AKR1C8: variants seen among roughly 807,000 people sequenced by gnomAD.
AKR1C8 encodes the protein aldo-keto reductase family 1 member C8, also known as aldo-keto reductase family 1 member C-like protein 1.
the AKR1C8 span, among the ~76,000 whole-genome samples, chr10:5,146,093 C>T: frequency 6.6e-6 from 1 of 150,484 alleles, no homozygotes; most frequent in East Asian, 2.0e-4. Context: ...TAAACTATTG[C>T]AAGAACAAAA....
chr10:5,177,058 T>G, the AKR1C8 span, among the ~76,000 whole-genome samples: 1 of 152,082 alleles, frequency 6.6e-6, no homozygotes, highest in Non-Finnish European at 1.5e-5. Flanking sequence ...CTTGTGCCAG[T>G]TTTCAAAGGG....
chr10:5,157,867 T>A, the AKR1C8 span: 1 of 397,470 alleles, frequency 2.5e-6, no homozygotes, highest in African/African-American at 2.1e-5. Flanking sequence ...GCGCTGCTCC[T>A]TTTCCCCAAA....
At chr10:5,142,137 T>C in the AKR1C8 span, among the ~76,000 whole-genome samples, 1 of 152,142 alleles carries the variant, frequency 6.6e-6, no homozygotes. Context: ...GCTTATTTTA[T>C]TCAACCTCAT....
At chr10:5,129,957 C>T in the AKR1C8 span, among the ~76,000 whole-genome samples, 1 of 151,628 alleles carries the variant, frequency 6.6e-6, no homozygotes, top group East Asian at 1.9e-4. Context: ...GAGGAAAGGA[C>T]ATAACAAAAA....
At chr10:5,133,247 G>A in the AKR1C8 span, among the ~76,000 whole-genome samples, 5 of 151,840 alleles carry the variant, frequency 3.3e-5, no homozygotes, top group Admixed American at 6.6e-5. Flanking sequence ...ACAGATGCGC[G>A]CTATTATGCC....
the AKR1C8 span, among the ~76,000 whole-genome samples, chr10:5,146,353 A>T: frequency 2.4e-4 from 37 of 152,206 alleles, no homozygotes; most frequent in Non-Finnish European, 1.5e-4. Context: ...ATAATAATAA[A>T]AGAAGAAAAA....
the AKR1C8 span, among the ~76,000 whole-genome samples, chr10:5,157,383 G>A: frequency 6.6e-6 from 1 of 152,118 alleles, no homozygotes; most frequent in East Asian, 1.9e-4. Context: ...CTCCTGAAAC[G>A]GATGAAAATA....
At chr10:5,121,684 T>A in the AKR1C8 span, among the ~76,000 whole-genome samples, 1 of 152,146 alleles carries the variant, frequency 6.6e-6, no homozygotes, top group Non-Finnish European at 1.5e-5. Flanking sequence ...ATGTCTTACG[T>A]TGCCTCGGTG....
At chr10:5,154,120 T>C in the AKR1C8 span, 1 of 467,080 alleles carries the variant, frequency 2.1e-6, no homozygotes, top group African/African-American at 2.0e-5. Flanking sequence ...ATTGTGGTGG[T>C]AATGTTCAAT....
chr10:5,160,682 C>G, the AKR1C8 span: 1 of 384,434 alleles, frequency 2.6e-6, no homozygotes, highest in South Asian at 2.0e-5. Context: ...GATGAGAACA[C>G]AGAGGCACAG....
the AKR1C8 span, among the ~76,000 whole-genome samples, chr10:5,184,252 C>A: frequency 6.6e-6 from 1 of 152,182 alleles, no homozygotes; most frequent in Non-Finnish European, 1.5e-5. Flanking sequence ...TCCATCCAGG[C>A]CCCCTCTCTA....
the AKR1C8 span, among the ~76,000 whole-genome samples, chr10:5,169,504 T>C: frequency 8.5e-5 from 5 of 58,620 alleles, no homozygotes; most frequent in Admixed American, 1.6e-4. Flanking sequence ...TTTAGCAGTG[T>C]TTCTTATTAG....
At chr10:5,151,685 T>C in the AKR1C8 span, among the ~76,000 whole-genome samples, 1 of 151,640 alleles carries the variant, frequency 6.6e-6, no homozygotes, top group Admixed American at 6.6e-5. Flanking sequence ...GCCTCCTAAG[T>C]AGCTGGGATT....
chr10:5,158,016 G>C, the AKR1C8 span, among the ~76,000 whole-genome samples: 1 of 152,160 alleles, frequency 6.6e-6, no homozygotes, highest in African/African-American at 2.4e-5. Context: ...GGATAAACAA[G>C]TTATCCATAC....
At chr10:5,175,681 G>A in the AKR1C8 span, among the ~76,000 whole-genome samples, 1 of 152,324 alleles carries the variant, frequency 6.6e-6, no homozygotes, top group East Asian at 1.9e-4. Context: ...ACTGGTGTGA[G>A]ATGGTATCTC....
At chr10:5,166,006 A>T in the AKR1C8 span, among the ~76,000 whole-genome samples, 1 of 152,132 alleles carries the variant, frequency 6.6e-6, no homozygotes, top group South Asian at 2.1e-4. Flanking sequence ...GGATGAGAGA[A>T]AAAAGGAAAA....
the AKR1C8 span, among the ~76,000 whole-genome samples, chr10:5,151,678 T>C: frequency 6.6e-6 from 1 of 151,004 alleles, no homozygotes; most frequent in Non-Finnish European, 1.5e-5. Flanking sequence ...TACCTCAGCC[T>C]CCTAAGTAGC....
At chr10:5,143,643 T>C in the AKR1C8 span, among the ~76,000 whole-genome samples, 2 of 150,548 alleles carry the variant, frequency 1.3e-5, no homozygotes, top group African/African-American at 2.4e-5. Context: ...GACACACATA[T>C]ACATGTATAT....
chr10:5,144,974 T>A, the AKR1C8 span, among the ~76,000 whole-genome samples: 1 of 151,734 alleles, frequency 6.6e-6, no homozygotes, highest in Non-Finnish European at 1.5e-5. Context: ...TGCTTCCAGT[T>A]TTTGCCCATT....
Sources: allele counts gnomAD v4.1 joint callset (sites outside exome capture counted in the v4.1 genomes callset), GRCh38; gene constraint gnomAD v4.1.1; transcripts MANE v1.5; gene names NCBI Gene and HGNC (gene_info 2026-07-23, HGNC 2026-07-21).